ATP6V0D1: variants seen among roughly 807,000 people sequenced by gnomAD.
ATP6V0D1 encodes V-type proton ATPase subunit d 1.
ATP6V0D1 carries 13 observed loss-of-function variants against 39.0 expected under a neutral mutation model. That is an observed-to-expected ratio of 0.33 (90% CI 0.22 to 0.53). The LOEUF is 0.53. Among genes scored for constraint, ATP6V0D1 ranks in the 20% least tolerant of loss-of-function variants. The pLI is 0.94. For synonymous variants in ATP6V0D1, 191 were observed against 191.2 expected (o/e 1.00, Z 0.01); for missense variants, 272 against 470.9 (o/e 0.58, Z 3.91).
At position 67,444,745 on chromosome 16, in the gene ATP6V0D1, G is replaced by T. The variant is rs760614056; in HGVS notation, c.303-39C>A. Reference sequence around the variant, plus strand: ...GCAATAGCAAGGAGCCCATCAAGGTGGGGGCCGGGAAGTCCTGGCATAGCA... The same window carrying T: ...GCAATAGCAAGGAGCCCATCAAGGTTGGGGCCGGGAAGTCCTGGCATAGCA... On this transcript the variant is annotated intron_variant, in intron 2 of 7. Transcript: ENST00000290949. This position sits in a 1 kb window ranked among gnomAD's most constrained non-coding sequence, Gnocchi z 4.8. 6.5e-5 allele frequency: 99 copies of T among 1,534,276 alleles called. No individual in the cohort carries two copies. The highest frequency in any genetic ancestry group is 8.4e-5 in the Non-Finnish European group (96 of 1,136,802).
In ATP6V0D1 at chr16:67,481,118, C is replaced by G; in HGVS notation, c.-32G>C. 6.2e-7 allele frequency: 1 copy of G among 1,612,406 alleles called. No individual in the cohort carries two copies. The highest frequency in any genetic ancestry group is 1.7e-4 in the Middle Eastern group (1 of 6,056). ...TGCGGGAGCGGCGGGACCGGAGAAC[C>G]AGGACCGGCCGGCACGAATCGCGAC... On this transcript the variant is annotated 5_prime_UTR_variant, in exon 1 of 8. Coordinates refer to ENST00000290949, the MANE Select transcript of ATP6V0D1 (RefSeq NM_004691.5).
At chr16:67,454,644 C>T (rs2041219356) in intron 1 of ATP6V0D1, 1 of 152,054 alleles carries the variant, frequency 6.6e-6, no homozygotes, top group South Asian at 2.1e-4. Context: ...ATCCTCTGGC[C>T]TCAGCCTCCC....
At chr16:67,464,381 G>A (rs2041313137) in intron 1 of ATP6V0D1, among the ~76,000 whole-genome samples, 1 of 152,234 alleles carries the variant, frequency 6.6e-6, no homozygotes, top group African/African-American at 2.4e-5. Context: ...CAGGTGTCAG[G>A]AGACCATAAT....
rs572935611 is a variant in ATP6V0D1, at chr16:67,467,050, A to G, written c.131-13335T>C. Among the ~76,000 whole-genome samples, 10 of 151,244 alleles carry G rather than the reference A, an allele frequency of 6.6e-5. No homozygotes were observed. The South Asian group carries it at 2.1e-3, about 32-fold the overall frequency. On this transcript the variant is annotated intron_variant, in intron 1 of 7. Coordinates refer to ENST00000290949, the MANE Select transcript of ATP6V0D1 (RefSeq NM_004691.5). Reference sequence around the variant, plus strand: ...TCCAATTCCCTTTATCTAAGTCTCAACTCCTTTTGTCTCTACTGCCTAGTA... The same window carrying G: ...TCCAATTCCCTTTATCTAAGTCTCAGCTCCTTTTGTCTCTACTGCCTAGTA...
At chr16:67,443,061 C>G (rs374925408) in intron 4 of ATP6V0D1, 38 bp downstream of exon 4, 57 of 1,606,676 alleles carry the variant, frequency 3.5e-5, no homozygotes, top group Non-Finnish European at 4.3e-5. Flanking sequence ...CCCCACCCAC[C>G]GACAGGCCAA....
intron 5 of ATP6V0D1, 56 bp downstream of exon 5, chr16:67,439,214 GAGCC>G: frequency 6.2e-6 from 10 of 1,613,786 alleles, no homozygotes; most frequent in Non-Finnish European, 8.5e-6. Flanking sequence ...TCAGTTGGCA[GAGCC>G]TCCCCAGGCC....
rs373566993 is a variant in ATP6V0D1, at chr16:67,442,651, C to G, written c.561+448G>C. ...CACTGACTCCAAGCTTGGGAACCTA[C>G]GAGGGACATGAGGACCTAGCTATGC... is the stretch of plus-strand genomic sequence containing the variant. On this transcript the variant is annotated intron_variant, in intron 4 of 7. Coordinates refer to ENST00000290949, the MANE Select transcript of ATP6V0D1 (RefSeq NM_004691.5). Among the ~76,000 whole-genome samples the G allele has an allele frequency of 1.7e-3, 251 of 152,078 alleles. 1 individual carries two copies. The highest frequency in any genetic ancestry group is 2.0e-3 in the Admixed American group (30 of 15,284).
intron 1 of ATP6V0D1, among the ~76,000 whole-genome samples, chr16:67,466,054 C>T (rs2041326494): frequency 6.6e-6 from 1 of 152,134 alleles, no homozygotes; most frequent in African/African-American, 2.4e-5. Context: ...GGTACGCCAG[C>T]TCCAGTTCCC....
chr16:67,448,741 G>C (rs558926295), intron 2 of ATP6V0D1, among the ~76,000 whole-genome samples: 1 of 151,690 alleles, frequency 6.6e-6, no homozygotes, highest in East Asian at 1.9e-4. Flanking sequence ...TAAAAGTCCT[G>C]CCTCTCCCCA....
At chr16:67,441,430 GC>G (rs2041049679) in intron 4 of ATP6V0D1, 1 of 152,290 alleles carries the variant, frequency 6.6e-6, no homozygotes, top group Non-Finnish European at 1.5e-5. Flanking sequence ...GGCAGCCCTC[GC>G]CGGCGACTCC....
chr16:67,473,944 C>T (rs1021900604), intron 1 of ATP6V0D1, among the ~76,000 whole-genome samples: 62 of 152,130 alleles, frequency 4.1e-4, no homozygotes, highest in Non-Finnish European at 1.8e-4. Context: ...CATGAGCCAC[C>T]GTTTCTGGCC....
intron 1 of ATP6V0D1, among the ~76,000 whole-genome samples, chr16:67,464,791 G>A (rs1195422996): frequency 6.6e-6 from 1 of 152,272 alleles, no homozygotes; most frequent in Non-Finnish European, 1.5e-5. Context: ...CCAAAGTGGG[G>A]CAAGGTCTGG....
rs189240872 is a variant in ATP6V0D1 at position 67,453,258 on chromosome 16, G to A, written c.302+286C>T. Among the ~76,000 whole-genome samples, 19 of 152,322 alleles carry A rather than the reference G, an allele frequency of 1.2e-4. No individual in the cohort carries two copies. Among genetic ancestry groups the A allele is most frequent in the African/African-American group, 4.6e-4 (19 of 41,580 alleles). On this transcript the variant is annotated intron_variant, in intron 2 of 7. Coordinates refer to ENST00000290949, the MANE Select transcript of ATP6V0D1 (RefSeq NM_004691.5). This position sits in a 1 kb window ranked among gnomAD's most constrained non-coding sequence, Gnocchi z 4.1. ...GAGGCTTCATCCAGCACTACTGCGT[G>A]GGACACTCTTGCCTGCCCATCATAT... is the stretch of plus-strand genomic sequence containing the variant.
chr16:67,465,691 G>A (rs536583182), intron 1 of ATP6V0D1, among the ~76,000 whole-genome samples: 3 of 152,344 alleles, frequency 2.0e-5, no homozygotes, highest in East Asian at 1.9e-4. Context: ...CCAAGGCAAA[G>A]AGCATCAGGA....
intron 1 of ATP6V0D1, among the ~76,000 whole-genome samples, chr16:67,475,185 G>T (rs532279597): frequency 4.5e-4 from 68 of 152,248 alleles, no homozygotes; most frequent in Middle Eastern, 6.8e-3. Context: ...TGGTTTTTAC[G>T]ATCCTTCTAG....
intron 2 of ATP6V0D1, among the ~76,000 whole-genome samples, chr16:67,450,367 C>T (rs2041164370): frequency 2.0e-5 from 3 of 152,202 alleles, no homozygotes; most frequent in Non-Finnish European, 2.9e-5. Context: ...GGAAGCCAAT[C>T]GTGAGCCCCA....
chr16:67,441,697 G>A (rs768987636), intron 4 of ATP6V0D1: 5 of 152,260 alleles, frequency 3.3e-5, no homozygotes, highest in Non-Finnish European at 7.3e-5. Flanking sequence ...CGCTGCCAGT[G>A]ACTTATTATG....
intron 1 of ATP6V0D1, among the ~76,000 whole-genome samples, chr16:67,478,878 G>T (rs759642037): frequency 3.3e-5 from 5 of 152,144 alleles, no homozygotes; most frequent in Non-Finnish European, 5.9e-5. Context: ...ACAGCAGCAG[G>T]AGTGAGGAAA....
chr16:67,473,721 C>T (rs182708569), intron 1 of ATP6V0D1, among the ~76,000 whole-genome samples: 30 of 152,270 alleles, frequency 2.0e-4, no homozygotes, highest in Admixed American at 3.9e-4. Flanking sequence ...GACGGGGTTT[C>T]ACCGCATTAG....
Sources: allele counts gnomAD v4.1 joint callset (sites outside exome capture counted in the v4.1 genomes callset), GRCh38; gene constraint gnomAD v4.1.1; non-coding constraint Gnocchi (gnomAD v3.1); transcripts MANE v1.5; gene names NCBI Gene and HGNC (gene_info 2026-07-23, HGNC 2026-07-21).